Variants in ZCCHC8 observed in about 807,000 individuals in gnomAD.
ZCCHC8 encodes the protein zinc finger CCHC-type containing 8, also known as zinc finger CCHC domain-containing protein 8.
ZCCHC8 carries 27 observed loss-of-function variants against 70.6 expected under a neutral mutation model. That is an observed-to-expected ratio of 0.38 (90% CI 0.28 to 0.53). The LOEUF (loss-of-function observed/expected upper bound fraction) is 0.53. Ranked by LOEUF, ZCCHC8 falls within the 20% of genes least tolerant of loss-of-function variation. The pLI is 0.81. For missense variants in ZCCHC8, 737 were observed against 876.9 expected, an observed-to-expected ratio of 0.84 and a Z score of 2.01; for synonymous variants, 293 against 317.4, an observed-to-expected ratio of 0.92 and a Z score of 0.82.
At chr12:122,497,044 G>C (rs1957836257) in intron 2 of ZCCHC8, among the ~76,000 whole-genome samples, 1 of 152,010 alleles carries the variant, frequency 6.6e-6, no homozygotes, top group Non-Finnish European at 1.5e-5. Flanking sequence ...CTACTCAGGA[G>C]GCTGAGGCAG....
At chr12:122,489,041 A>G (rs558700072) in intron 5 of ZCCHC8, among the ~76,000 whole-genome samples, 3 of 152,138 alleles carry the variant, frequency 2.0e-5, no homozygotes, top group Non-Finnish European at 4.4e-5. Flanking sequence ...TAAATTCCAA[A>G]TTTGCCATCT....
At chr12:122,489,629 T>A (rs1488197335) in intron 4 of ZCCHC8, among the ~76,000 whole-genome samples, 166 bp from the exon 5 acceptor site, 1 of 152,196 alleles carries the variant, frequency 6.6e-6, no homozygotes, top group East Asian at 1.9e-4. Context: ...TAGCATGCAC[T>A]ACAACTTCTT....
intron 4 of ZCCHC8, 68 bp downstream of exon 4, chr12:122,490,394 T>G (rs529895819): frequency 4.1e-6 from 5 of 1,234,160 alleles, no homozygotes. Flanking sequence ...AAGAGGATCC[T>G]TGTGGCCCAA....
At chr12:122,480,998 G>A (rs1275464300) in intron 10 of ZCCHC8, 1 of 152,370 alleles carries the variant, frequency 6.6e-6, no homozygotes, top group East Asian at 1.9e-4. Context: ...GTATGTTGCA[G>A]GGAGTCCACA....
intron 5 of ZCCHC8, among the ~76,000 whole-genome samples, chr12:122,484,886 A>G (rs1484364814): frequency 1.3e-5 from 2 of 151,870 alleles, no homozygotes; most frequent in Non-Finnish European, 2.9e-5. Flanking sequence ...TCCTCCTAAA[A>G]ACATCTTCCT....
chr12:122,498,712 CAAAT>C, intron 2 of ZCCHC8, 111 bp downstream of exon 2: 1 of 1,030,490 alleles, frequency 9.7e-7, no homozygotes, highest in South Asian at 1.4e-5. Flanking sequence ...GTATGCTAAA[CAAAT>C]AAAAATGATA....
chr12:122,477,522 C>T (rs1348314768), intron 13 of ZCCHC8, among the ~76,000 whole-genome samples: 1 of 147,624 alleles, frequency 6.8e-6, no homozygotes, highest in Non-Finnish European at 1.5e-5. Flanking sequence ...CGGTGGCTCA[C>T]GCCTGTAATC....
Position 122,480,246 on chromosome 12 carries a change from A to G in ZCCHC8, c.1084T>C (p.Ser362Pro). 1 of 1,605,560 alleles carries G rather than the reference A, an allele frequency of 6.2e-7. No homozygotes were observed. Among genetic ancestry groups the G allele is most frequent in the Non-Finnish European group, 8.5e-7 (1 of 1,175,046 alleles). The part of the protein sequence containing the change: ...QQNKSVTYDL[S>P]KLVNYPGFNI... ...AAACCAGGATAGTTGACCAATTTTG[A>G]GAGATCGTAAGTGACACTTTTATTC... The change falls in exon 11 of 14, where the codon TCA becomes CCA. Residue 362 changes from serine to proline, a missense_variant. Coordinates refer to ENST00000633063, the MANE Select transcript of ZCCHC8 (RefSeq NM_017612.5).
At position 122,474,052 on chromosome 12, in the gene ZCCHC8, C is replaced by T. The variant is rs1957368052; in HGVS notation, c.1569G>A (p.Gln523=). 3 of 1,526,194 alleles carry T rather than the reference C, an allele frequency of 2.0e-6. No individual in the cohort carries two copies. In the African/African-American group the frequency reaches 4.2e-5, roughly 21 times the overall value. 94.5% of individuals were successfully genotyped at this position (1,526,194 alleles called of 1,614,324 possible). A position where few individuals can be genotyped will look rare whatever the true frequency, so the allele number is the denominator to read the frequency against. ...DALTLEELEE[Q]QRRIWAALEQ... ...CAAGAGCTGCCCAGATCCGCCTCTG[C>T]TGTTCTTCAAGTTCTTCTAGAGTCA... Residue 523 remains glutamine, a synonymous_variant, in exon 14 of 14, where the codon CAG becomes CAA. Coordinates refer to ENST00000633063, the MANE Select transcript of ZCCHC8 (RefSeq NM_017612.5).
intron 11 of ZCCHC8, among the ~76,000 whole-genome samples, chr12:122,479,222 C>A (rs1957481980): frequency 6.6e-6 from 1 of 152,130 alleles, no homozygotes; most frequent in African/African-American, 2.4e-5. Flanking sequence ...ATTATAGGCG[C>A]CTGCCACCAC....
At chr12:122,482,609 C>A (rs1957557427) in intron 8 of ZCCHC8, 26 bp downstream of exon 8, 5 of 1,582,528 alleles carry the variant, frequency 3.2e-6, no homozygotes, top group Non-Finnish European at 4.3e-6. Flanking sequence ...TGTTCAAAGA[C>A]TTTTCTTAAC....
chr12:122,496,780 C>G (rs1957832278), intron 2 of ZCCHC8, among the ~76,000 whole-genome samples: 1 of 152,006 alleles, frequency 6.6e-6, no homozygotes, highest in South Asian at 2.1e-4. Context: ...AGCCATTGTG[C>G]CCAGCCAAAA....
chr12:122,481,014 G>A (rs2137333752), intron 10 of ZCCHC8: 1 of 152,610 alleles, frequency 6.6e-6, no homozygotes, highest in South Asian at 2.1e-4. Flanking sequence ...CCACAGCTCA[G>A]AACTACCAAT....
intron 5 of ZCCHC8, among the ~76,000 whole-genome samples, chr12:122,486,959 C>G (rs1333314540): frequency 1.3e-5 from 2 of 152,232 alleles, no homozygotes; most frequent in Non-Finnish European, 2.9e-5. Context: ...CTCATCTGTA[C>G]AACTGAAGCC....
At chr12:122,476,751 G>A (rs908925997) in intron 13 of ZCCHC8, among the ~76,000 whole-genome samples, 2 of 152,006 alleles carry the variant, frequency 1.3e-5, no homozygotes, top group Non-Finnish European at 2.9e-5. Flanking sequence ...GGCCAGGCAC[G>A]GTGGCTCACA....
intron 1 of ZCCHC8, 165 bp from the exon 2 acceptor site, chr12:122,499,034 G>T: frequency 1.5e-6 from 1 of 679,992 alleles, no homozygotes; most frequent in Non-Finnish European, 2.5e-6. Flanking sequence ...GCAGGGGTAG[G>T]CTTTTGAAAC....
At chr12:122,482,193 T>A (rs754217866) in intron 8 of ZCCHC8, 106 bp from the exon 9 acceptor site, 3 of 1,234,832 alleles carry the variant, frequency 2.4e-6, no homozygotes, top group Non-Finnish European at 3.2e-6. Context: ...ATTATTTTAG[T>A]TTTAATGTAT....
intron 13 of ZCCHC8, among the ~76,000 whole-genome samples, chr12:122,476,371 T>C (rs140325222): frequency 6.6e-6 from 1 of 151,858 alleles, no homozygotes; most frequent in African/African-American, 2.4e-5. Flanking sequence ...GGCAGGCAGA[T>C]TGCTTAAACT....
At chr12:122,488,174 G>A (rs996703703) in intron 5 of ZCCHC8, among the ~76,000 whole-genome samples, 1 of 152,054 alleles carries the variant, frequency 6.6e-6, no homozygotes, top group Admixed American at 6.6e-5. Flanking sequence ...TGGGACTACA[G>A]GTGTGCACCA....
Sources: gnomAD v4.1 joint callset for allele counts (sites outside exome capture counted in the v4.1 genomes callset) on GRCh38, gnomAD v4.1.1 for gene constraint, MANE v1.5 for transcripts, NCBI Gene and HGNC (gene_info 2026-07-23, HGNC 2026-07-21) for gene names.